Variants in ECE1 observed in about 807,000 individuals in gnomAD.
The protein encoded by ECE1 is endothelin-converting enzyme 1.
In ECE1, 35 loss-of-function variants were observed where a neutral mutation model predicts 98.6. The ratio of observed to expected loss-of-function variants is 0.35; its 90% CI spans 0.27 to 0.47. The LOEUF is 0.47. Among genes scored for constraint, ECE1 ranks in the 20% least tolerant of loss-of-function variants. The pLI is 1.00. For synonymous variants in ECE1, 394 were observed against 407.1 expected, an observed-to-expected ratio of 0.97 and a Z score of 0.39; for missense variants, 814 against 1,025.3, an observed-to-expected ratio of 0.79 and a Z score of 2.81.
At chr1:21,267,914 A>T (rs2098235934) in intron 4 of ECE1, among the ~76,000 whole-genome samples, 1 of 152,246 alleles carries the variant, frequency 6.6e-6, no homozygotes, top group Non-Finnish European at 1.5e-5. Context: ...GGACACGTTT[A>T]ACGCTATTGG....
At chr1:21,228,624 A>T (rs1229434060) in intron 14 of ECE1, among the ~76,000 whole-genome samples, 1 of 151,128 alleles carries the variant, frequency 6.6e-6, no homozygotes, top group Non-Finnish European at 1.5e-5. Context: ...TGTCTCTACC[A>T]AAAATACAAA....
At chr1:21,342,624 AC>A (rs1441391550) in intron 1 of ECE1, among the ~76,000 whole-genome samples, 1 of 126,462 alleles carries the variant, frequency 7.9e-6, no homozygotes, top group Middle Eastern at 3.5e-3. Context: ...ACACACACAC[AC>A]ACACACACAC....
In ECE1 at chr1:21,322,590, C is replaced by T. The variant is rs564199367; in HGVS notation, c.3+22786G>A. On this transcript the variant is annotated intron_variant, in intron 1 of 18. Coordinates refer to the ECE1 transcript ENST00000415912. The surrounding 1 kb of genome is among the most constrained non-coding windows in gnomAD (Gnocchi z 4.1). Reference sequence around the variant, plus strand: ...TGTGACCAAAATGGCAGTGCCACTGCTGGCATAGGGGATGGGGACACCAGT... The same window carrying T: ...TGTGACCAAAATGGCAGTGCCACTGTTGGCATAGGGGATGGGGACACCAGT... 1.9e-4 allele frequency among the ~76,000 whole-genome samples: 29 copies of T among 152,322 alleles called. No individual in the cohort carries two copies. The highest frequency in any genetic ancestry group is 1.5e-3 in the Admixed American group (23 of 15,304).
chr1:21,273,298 T>C (rs1207028961), intron 3 of ECE1, among the ~76,000 whole-genome samples: 1 of 152,108 alleles, frequency 6.6e-6, no homozygotes, highest in Admixed American at 6.6e-5. Context: ...GGAGTGCGTG[T>C]GTGTGCATGT....
At chr1:21,238,549 G>T (rs76543399) in intron 10 of ECE1, among the ~76,000 whole-genome samples, 1 of 152,054 alleles carries the variant, frequency 6.6e-6, no homozygotes, top group Non-Finnish European at 1.5e-5. Flanking sequence ...CACTCGGCAC[G>T]GAGCAGCTGC....
intron 1 of ECE1, among the ~76,000 whole-genome samples, chr1:21,315,804 A>C (rs2103395439): frequency 6.6e-6 from 1 of 151,882 alleles, no homozygotes; most frequent in South Asian, 2.1e-4. Flanking sequence ...AAAAAAAAAA[A>C]AAAAAAAAGC....
At chr1:21,332,465 T>C (rs1639217594) in intron 1 of ECE1, among the ~76,000 whole-genome samples, 1 of 150,536 alleles carries the variant, frequency 6.6e-6, no homozygotes, top group Non-Finnish European at 1.5e-5. Context: ...CCCATTTTAC[T>C]TATGCAGAAA....
intron 1 of ECE1, among the ~76,000 whole-genome samples, chr1:21,330,402 C>T (rs546065615): frequency 2.6e-5 from 4 of 151,600 alleles, no homozygotes; most frequent in African/African-American, 7.3e-5. Flanking sequence ...CTAATTGTTT[C>T]GTATTTTTTG....
At chr1:21,302,568 T>A (rs1328773436) in intron 1 of ECE1, among the ~76,000 whole-genome samples, 1 of 152,216 alleles carries the variant, frequency 6.6e-6, no homozygotes, top group African/African-American at 2.4e-5. Flanking sequence ...AGGATCTGGA[T>A]GTGTCTGCTG....
chr1:21,239,747 CTCTA>C (rs943753895), intron 10 of ECE1, among the ~76,000 whole-genome samples: 4 of 151,780 alleles, frequency 2.6e-5, no homozygotes, highest in African/African-American at 9.7e-5. Context: ...TGGGAATGTT[CTCTA>C]TCTTTCTAAA....
At chr1:21,341,707 A>T (rs763616356) in intron 1 of ECE1, among the ~76,000 whole-genome samples, 1 of 152,194 alleles carries the variant, frequency 6.6e-6, no homozygotes, top group Non-Finnish European at 1.5e-5. Context: ...TGAAGTACGC[A>T]CTGTGCTCTG....
At chr1:21,289,847 C>G (rs934973419) in intron 2 of ECE1, among the ~76,000 whole-genome samples, 1 of 151,708 alleles carries the variant, frequency 6.6e-6, no homozygotes, top group Non-Finnish European at 1.5e-5. Flanking sequence ...CCGGGAGGCT[C>G]TAGGGATGGC....
rs550640315 is a variant in ECE1, at chr1:21,279,314, G to A, written c.157C>T (p.Arg53Trp). Reference protein sequence around the residue: ...NGLQVNFHSPRSGQRCWAART... With the variant: ...NGLQVNFHSPWSGQRCWAART... The stretch of plus-strand genomic sequence containing the variant: ...GCAGCCCAGCACCTCTGGCCACTCC[G>A]GGGGCTGTGGAAGTTCACCTGCAGG... Residue 53 changes from arginine (R) to tryptophan (W), a missense_variant, in exon 3 of 19, where the codon CGG becomes TGG. Transcript: ENST00000374893. The A allele has an allele frequency of 1.7e-5, 27 of 1,614,174 alleles. 1 individual carries two copies. The highest frequency in any genetic ancestry group is 1.6e-4 in the East Asian group (7 of 44,884).
intron 2 of ECE1, among the ~76,000 whole-genome samples, chr1:21,280,735 G>A (rs1421806884): frequency 1.3e-5 from 2 of 152,188 alleles, no homozygotes; most frequent in African/African-American, 2.4e-5. Context: ...GTCCCACCCT[G>A]GCACTCGGGG....
intron 1 of ECE1, among the ~76,000 whole-genome samples, chr1:21,301,686 C>T (rs1464965304): frequency 1.3e-5 from 2 of 151,568 alleles, no homozygotes; most frequent in Non-Finnish European, 2.9e-5. Context: ...GGTATGGTGG[C>T]GTGGTGGCTC....
chr1:21,301,768 G>A (rs1251772755), intron 1 of ECE1, among the ~76,000 whole-genome samples: 12 of 146,842 alleles, frequency 8.2e-5, no homozygotes, highest in African/African-American at 2.5e-4. Flanking sequence ...GGAGGTTGCC[G>A]TGAGCCGAGA....
intron 7 of ECE1, chr1:21,256,749 T>A (rs1041541427): frequency 6.5e-6 from 1 of 153,496 alleles, no homozygotes; most frequent in Non-Finnish European, 1.4e-5. Context: ...TTAGAATGCA[T>A]CTTTTCTGAC....
intron 4 of ECE1, among the ~76,000 whole-genome samples, chr1:21,271,292 C>T (rs531026600): frequency 1.3e-5 from 2 of 152,292 alleles, no homozygotes; most frequent in South Asian, 4.1e-4. Context: ...AAGGAAAGGT[C>T]TCCTTCACCT....
At chr1:21,282,859 C>G (rs998008262) in intron 2 of ECE1, among the ~76,000 whole-genome samples, 1 of 150,854 alleles carries the variant, frequency 6.6e-6, no homozygotes. Flanking sequence ...ACAATGGCAG[C>G]AAATAAATAC....
Sources: gnomAD v4.1 joint callset for allele counts (sites outside exome capture counted in the v4.1 genomes callset) on GRCh38, gnomAD v4.1.1 for gene constraint, Gnocchi (gnomAD v3.1) non-coding constraint, MANE v1.5 for transcripts, NCBI Gene and HGNC (gene_info 2026-07-23, HGNC 2026-07-21) for gene names.